Variants in ZNF682 observed in about 807,000 individuals in gnomAD.
ZNF682 encodes the protein zinc finger protein 682.
In ZNF682, 29 loss-of-function variants were observed where a neutral mutation model predicts 36.5. The ratio of observed to expected loss-of-function variants is 0.80; its 90% CI spans 0.59 to 1.08. The LOEUF is 1.08. Ranked by LOEUF, ZNF682 falls within the 50% of genes least tolerant of loss-of-function variation. ZNF682 has a pLI of 0.00. For missense variants in ZNF682, 561 were observed against 579.7 expected, an observed-to-expected ratio of 0.97 and a Z score of 0.33; for synonymous variants, 180 against 197.0, an observed-to-expected ratio of 0.91 and a Z score of 0.72.
Position 20,006,718 on chromosome 19 carries a change from A to G in ZNF682, c.784T>C (p.Cys262Arg). ...GAACACCAGTGAAAGGCTTTTCCAC[A>G]TTCTTCACATTTGTAGGGTTTCTCA... ...TGEKPYKCEE[C>R]GKAFHWCSPF... The change falls in exon 4 of 4, where the codon TGT becomes CGT. Residue 262 changes from cysteine to arginine, a missense_variant. Physicochemically the swap from Cys to Arg is radical, Grantham distance 180. Coordinates refer to ENST00000397165, the MANE Select transcript of ZNF682 (RefSeq NM_033196.3). 1 of 1,613,970 alleles carries G rather than the reference A, an allele frequency of 6.2e-7. No homozygotes were observed. The highest frequency in any genetic ancestry group is 8.5e-7 in the Non-Finnish European group (1 of 1,179,978).
intron 1 of ZNF682, among the ~76,000 whole-genome samples, chr19:20,029,626 AT>A (rs1003299221): frequency 5.9e-5 from 9 of 151,848 alleles, no homozygotes; most frequent in Non-Finnish European, 1.0e-4. Flanking sequence ...ATTAAAAAAA[AT>A]AAAAAAGCTT....
In ZNF682 at chr19:20,006,644, T is replaced by C. The variant is rs773903002; in HGVS notation, c.858A>G (p.Thr286=). 6.8e-6 allele frequency: 11 copies of C among 1,614,054 alleles called. No homozygotes were observed. Among genetic ancestry groups the C allele is most frequent in the Non-Finnish European group, 7.6e-6 (9 of 1,180,038 alleles). Residue 286 remains threonine (T), a synonymous_variant, in exon 4 of 4, where the codon ACA becomes ACG. Transcript: ENST00000397165. ...TAAACGCTCTGCCACAGTCTTCACATGTATAGGGTTTTTCTCCTGTATGAA... is the reference window on the plus strand; with the variant it reads ...TAAACGCTCTGCCACAGTCTTCACACGTATAGGGTTTTTCTCCTGTATGAA... ...KKIHTGEKPY[T]CEDCGRAFNR...
chr19:20,018,448 A>C (rs1431458073), intron 3 of ZNF682, among the ~76,000 whole-genome samples: 2 of 152,212 alleles, frequency 1.3e-5, no homozygotes, highest in Admixed American at 1.3e-4. Flanking sequence ...AAAGAACAAC[A>C]AAGAGGTATT....
At chr19:20,027,228 T>C (rs911959441) in intron 1 of ZNF682, among the ~76,000 whole-genome samples, 1 of 152,182 alleles carries the variant, frequency 6.6e-6, no homozygotes, top group South Asian at 2.1e-4. Context: ...CAGGCAGATG[T>C]ACCTTAAAGG....
At position 20,006,072 on chromosome 19, in the gene ZNF682, C is replaced by T. The variant is rs753850951; in HGVS notation, c.1430G>A (p.Gly477Glu). 5.0e-6 allele frequency: 8 copies of T among 1,611,784 alleles called. No individual in the cohort carries two copies. In the South Asian group the frequency reaches 8.8e-5, roughly 18 times the overall value. The change falls in exon 4 of 4, where the codon GGA becomes GAA. Residue 477 changes from glycine to glutamate, a missense_variant. Physicochemically the swap from Gly to Glu is moderately conservative, Grantham distance 98. Coordinates refer to ENST00000397165, the MANE Select transcript of ZNF682 (RefSeq NM_033196.3). ...HLNEHKRVQRGEKSCKYKKCG... is the reference protein window; with the variant it reads ...HLNEHKRVQREEKSCKYKKCG... ...TTTTTTATACTTGCAGGATTTCTCT[C>T]CTCTTTGAACTCTCTTATGTTCATT... is the stretch of plus-strand genomic sequence containing the variant.
intron 1 of ZNF682, among the ~76,000 whole-genome samples, chr19:20,028,355 A>G (rs1182107980): frequency 1.3e-5 from 2 of 152,032 alleles, no homozygotes; most frequent in Admixed American, 6.6e-5. Flanking sequence ...CTACAGTCAC[A>G]TGCCACCATG....
At chr19:20,032,142 C>T (rs1399180472) in intron 1 of ZNF682, among the ~76,000 whole-genome samples, 4 of 152,186 alleles carry the variant, frequency 2.6e-5, no homozygotes, top group African/African-American at 7.2e-5. Context: ...TTGCATCCCT[C>T]AGATAAAAGT....
downstream of ZNF682, among the ~76,000 whole-genome samples, chr19:19,996,028 T>A (rs2088127257): frequency 6.6e-6 from 1 of 152,156 alleles, no homozygotes; most frequent in Non-Finnish European, 1.5e-5. Context: ...AGGTGGGGTG[T>A]CTTGTGGGAC....
At chr19:19,998,292 A>G (rs2088140228) in intron 3 of ZNF682, among the ~76,000 whole-genome samples, 1 of 152,204 alleles carries the variant, frequency 6.6e-6, no homozygotes, top group South Asian at 2.1e-4. Flanking sequence ...TACCATGATG[A>G]CAATGACAAT....
At position 20,024,329 on chromosome 19, in the gene ZNF682, C is replaced by T. The variant is rs914403210; in HGVS notation, c.51G>A (p.Glu17=). 1.2e-6 allele frequency: 2 copies of T among 1,613,958 alleles called. No homozygotes were observed. Among genetic ancestry groups the T allele is most frequent in the Non-Finnish European group, 1.7e-6 (2 of 1,179,904 alleles). The change falls in exon 2 of 4, where the codon GAG becomes GAA. Residue 17 remains glutamate, a synonymous_variant. Coordinates refer to ENST00000397165, the MANE Select transcript of ZNF682 (RefSeq NM_033196.3). The part of the protein sequence containing the change: ...RDVTIEFSLE[E]WEFLNPAQQS... The stretch of plus-strand genomic sequence containing the variant: ...GCTGAGCAGGGTTCAGAAACTCCCA[C>T]TCCTCCAGAGAGAATTCTATGGTCA...
At chr19:20,009,960 C>A (rs1183147232) in intron 3 of ZNF682, among the ~76,000 whole-genome samples, 2 of 151,792 alleles carry the variant, frequency 1.3e-5, no homozygotes, top group Admixed American at 6.6e-5. Context: ...GCAGAGGTTG[C>A]AGTGAGCTGA....
intron 1 of ZNF682, among the ~76,000 whole-genome samples, chr19:20,026,683 C>G (rs1035558689): frequency 2.6e-5 from 4 of 152,116 alleles, no homozygotes; most frequent in African/African-American, 9.7e-5. Context: ...TCTGGCTGGT[C>G]TCAAACTCCT....
At chr19:20,039,314 C>T (rs1381633970) in intron 1 of ZNF682, 29 bp downstream of exon 1, 2 of 1,611,656 alleles carry the variant, frequency 1.2e-6, no homozygotes, top group Non-Finnish European at 1.7e-6. Context: ...CCTGCCCCCA[C>T]CTCGGGATGC....
intron 1 of ZNF682, among the ~76,000 whole-genome samples, chr19:20,038,699 C>T (rs2088555976): frequency 6.6e-6 from 1 of 151,614 alleles, no homozygotes; most frequent in Non-Finnish European, 1.5e-5. Context: ...CAGATTTAAG[C>T]AACCACAAAC....
At chr19:20,036,511 C>G (rs991876599) in intron 1 of ZNF682, among the ~76,000 whole-genome samples, 1 of 146,240 alleles carries the variant, frequency 6.8e-6, no homozygotes, top group Admixed American at 7.2e-5. Context: ...GAGGCTGAGG[C>G]AGGAGAATTG....
At chr19:20,022,978 G>T in intron 3 of ZNF682, 26 bp downstream of exon 3, 1 of 1,590,678 alleles carries the variant, frequency 6.3e-7, no homozygotes, top group Non-Finnish European at 8.6e-7. Context: ...TTCACCTGTG[G>T]CATGTGTTTC....
chr19:20,024,142 A>T (rs2088411069), intron 2 of ZNF682, 108 bp downstream of exon 2: 3 of 1,341,090 alleles, frequency 2.2e-6, no homozygotes, highest in Non-Finnish European at 3.1e-6. Flanking sequence ...GAAAGCAGAG[A>T]TCTAAAACTC....
chr19:20,036,814 G>GAAAAAAAAAAA (rs869238931), intron 1 of ZNF682, among the ~76,000 whole-genome samples: 1 of 19,868 alleles, frequency 5.0e-5, no homozygotes, highest in Admixed American at 8.0e-4. Context: ...AAAAAAAAAA[G>GAAAAAAAAAAA]AAAAAAAAAA....
Position 20,039,383 on chromosome 19 carries a change from G to T in ZNF682, c.-38C>A, listed in dbSNP as rs374186356. ...GGGATGTCGTGGAGTCTTAGCTCTG[G>T]ATCTCACAGCATCTGCAAGTCAGAG... On this transcript the variant is annotated 5_prime_UTR_variant, in exon 1 of 4. Coordinates refer to ENST00000397165, the MANE Select transcript of ZNF682 (RefSeq NM_033196.3). The T allele has an allele frequency of 1.1e-5, 17 of 1,609,784 alleles. No homozygotes were observed. Among genetic ancestry groups the T allele is most frequent in the African/African-American group, 2.7e-5 (2 of 74,902 alleles).
Sources: gnomAD v4.1 joint callset for allele counts (sites outside exome capture counted in the v4.1 genomes callset) on GRCh38, gnomAD v4.1.1 for gene constraint, MANE v1.5 for transcripts, NCBI Gene and HGNC (gene_info 2026-07-23, HGNC 2026-07-21) for gene names.